The following ZNF710 variants were observed in gnomAD, a reference collection of about 807,000 sequenced individuals.
The protein encoded by ZNF710 is zinc finger protein 710.
A neutral mutation model predicts 50.6 loss-of-function variants in ZNF710; 13 were observed. The observed-to-expected ratio is 0.26, with a 90% CI of 0.17 to 0.41. ZNF710 has a LOEUF of 0.41. Among genes scored for constraint, ZNF710 ranks in the 10% least tolerant of loss-of-function variants. ZNF710 has a pLI of 1.00. For synonymous variants in ZNF710, 383 were observed against 397.0 expected (o/e 0.96, Z 0.42); for missense variants, 721 against 936.6 (o/e 0.77, Z 3.01).
At position 90,067,959 on chromosome 15, in the gene ZNF710, G is replaced by A; in HGVS notation, c.822G>A (p.Leu274=). Residue 274 remains leucine (L), a synonymous_variant, in exon 2 of 5, where the codon CTG becomes CTA. Transcript: ENST00000268154. The surrounding 1 kb of genome is among the most constrained non-coding windows in gnomAD (Gnocchi z 8.1). Reference sequence around the variant, plus strand: ...ACAAGAAGGCCCAGCTGGATCGGCTGGACATCAACGTGCAGATTGACGACT... The same window carrying A: ...ACAAGAAGGCCCAGCTGGATCGGCTAGACATCAACGTGCAGATTGACGACT... ...ERHKKAQLDR[L]DINVQIDDSY... The A allele has an allele frequency of 6.2e-7, 1 of 1,614,114 alleles. No individual in the cohort carries two copies. Among genetic ancestry groups the A allele is most frequent in the Non-Finnish European group, 8.5e-7 (1 of 1,180,040 alleles).
At chr15:90,076,589 A>C (rs1900595401) in intron 4 of ZNF710, 1 of 150,492 alleles carries the variant, frequency 6.6e-6, no homozygotes, top group African/African-American at 2.4e-5. Context: ...AAAAATACAA[A>C]AATTAGCTGG....
chr15:90,039,652 A>G (rs568089447), intron 1 of ZNF710, among the ~76,000 whole-genome samples: 1 of 152,302 alleles, frequency 6.6e-6, no homozygotes, highest in East Asian at 1.9e-4. Flanking sequence ...GAGGTGTCCA[A>G]GCTGCTTGCC....
chr15:90,025,328 CAGCAG>C, intron 1 of ZNF710: 1 of 152,288 alleles, frequency 6.6e-6, no homozygotes, highest in Non-Finnish European at 1.5e-5. Context: ...ACTGTTCTAA[CAGCAG>C]AGCATGTCTG....
At chr15:90,023,261 G>A (rs1898675143) in intron 1 of ZNF710, among the ~76,000 whole-genome samples, 1 of 152,208 alleles carries the variant, frequency 6.6e-6, no homozygotes, top group Non-Finnish European at 1.5e-5. Context: ...TAAAGCAGGA[G>A]CTACAGAGGT....
chr15:90,017,146 T>A (rs970929507), intron 1 of ZNF710, among the ~76,000 whole-genome samples: 6 of 152,220 alleles, frequency 3.9e-5, no homozygotes, highest in Non-Finnish European at 7.3e-5. Flanking sequence ...TAAAGGCACT[T>A]GGTACTTGGA....
intron 1 of ZNF710, among the ~76,000 whole-genome samples, chr15:90,019,464 A>G (rs1024703238): frequency 4.6e-5 from 7 of 152,174 alleles, no homozygotes; most frequent in African/African-American, 1.4e-4. Context: ...CCAAGGACAC[A>G]TTCTAAAGGC....
intron 1 of ZNF710, among the ~76,000 whole-genome samples, chr15:90,050,088 A>G (rs983145436): frequency 6.6e-6 from 1 of 152,246 alleles, no homozygotes; most frequent in Admixed American, 6.5e-5. Context: ...GTACGCTATC[A>G]GCTGATACGT....
chr15:89,999,155 C>A (rs902998442), upstream of ZNF710, among the ~76,000 whole-genome samples: 2 of 152,218 alleles, frequency 1.3e-5, no homozygotes, highest in Non-Finnish European at 2.9e-5. Context: ...AATCTAGACA[C>A]GACCTCCTCC....
chr15:90,054,732 C>T lies in ZNF710; in HGVS notation c.-28-12378C>T, dbSNP rs185104663. ...GAGCTGAAGTTTTGTCTGCTTTTCC[C>T]GTTACACGAAGCTGGTGATCTCTGG... On this transcript the variant is annotated intron_variant, in intron 1 of 4. Coordinates refer to ENST00000268154, the MANE Select transcript of ZNF710 (RefSeq NM_198526.4). Among the ~76,000 whole-genome samples, 20 of 152,308 alleles carry T rather than the reference C, an allele frequency of 1.3e-4. No homozygotes were observed. In the East Asian group the frequency reaches 2.5e-3, roughly 19 times the overall value.
intron 1 of ZNF710, among the ~76,000 whole-genome samples, chr15:90,004,489 C>G (rs1049066728): frequency 1.3e-5 from 2 of 152,166 alleles, no homozygotes; most frequent in Non-Finnish European, 2.9e-5. Flanking sequence ...GGGCCTAGCC[C>G]GCGGCAGGAC....
chr15:90,016,996 G>A (rs145944396), intron 1 of ZNF710, among the ~76,000 whole-genome samples: 3 of 152,314 alleles, frequency 2.0e-5, no homozygotes, highest in South Asian at 4.1e-4. Context: ...GAACCTTAGC[G>A]TTATTTCAAG....
Position 90,067,028 on chromosome 15 carries a change from C to T in ZNF710, c.-28-82C>T. The T allele has an allele frequency of 6.9e-7, 1 of 1,449,620 alleles. No homozygotes were observed. Among genetic ancestry groups the T allele is most frequent in the Non-Finnish European group, 9.1e-7 (1 of 1,095,062 alleles). The allele number at this position is 1,449,620 out of a possible 1,614,324, so 89.8% of individuals were successfully genotyped here. On this transcript the variant is annotated intron_variant, in intron 1 of 4. Transcript: ENST00000268154. The surrounding 1 kb of genome is among the most constrained non-coding windows in gnomAD (Gnocchi z 8.1). ...AGAGCCAGACACACCCAAAATCAGC[C>T]AAGCCCTTGTCTGTGCTGTGTCTGT... is the stretch of plus-strand genomic sequence containing the variant.
intron 1 of ZNF710, among the ~76,000 whole-genome samples, chr15:90,030,285 C>T (rs557161159): frequency 2.9e-4 from 36 of 125,146 alleles, no homozygotes; most frequent in African/African-American, 9.6e-4. Context: ...GCCAATATCA[C>T]GCCATTGCAT....
At chr15:90,029,131 C>T (rs139174919) in intron 1 of ZNF710, among the ~76,000 whole-genome samples, 37 of 152,262 alleles carry the variant, frequency 2.4e-4, no homozygotes, top group East Asian at 2.1e-3. Context: ...TTTTTCCCAA[C>T]GCCTACTCCC....
At chr15:90,052,862 G>A (rs1899689196) in intron 1 of ZNF710, among the ~76,000 whole-genome samples, 1 of 152,220 alleles carries the variant, frequency 6.6e-6, no homozygotes, top group African/African-American at 2.4e-5. Context: ...GAACCGGGGA[G>A]GCGGAGGTTG....
intron 1 of ZNF710, among the ~76,000 whole-genome samples, chr15:90,029,888 T>G (rs959514488): frequency 1.3e-5 from 2 of 151,780 alleles, no homozygotes; most frequent in Non-Finnish European, 2.9e-5. Flanking sequence ...GTGCTGGGAT[T>G]ACAGGCGTGA....
In ZNF710 at chr15:90,068,476, C is replaced by A; in HGVS notation, c.1339C>A (p.Arg447Ser). ...CGAGTGTGACAAGTCCTTCCACTAC[C>A]GCAGCCAGTTGCAGAACCACATGCT... ...CLECDKSFHY[R>S]SQLQNHMLKH... The change falls in exon 2 of 5, where the codon CGC becomes AGC. Residue 447 changes from arginine (R) to serine (S), a missense_variant. Coordinates refer to ENST00000268154, the MANE Select transcript of ZNF710 (RefSeq NM_198526.4). This position sits in a 1 kb window ranked among gnomAD's most constrained non-coding sequence, Gnocchi z 5.0. The A allele has an allele frequency of 1.9e-6, 3 of 1,614,110 alleles. No individual in the cohort carries two copies. The highest frequency in any genetic ancestry group is 2.5e-6 in the Non-Finnish European group (3 of 1,180,046).
chr15:90,013,904 A>G (rs1898380393), intron 1 of ZNF710, among the ~76,000 whole-genome samples: 1 of 152,296 alleles, frequency 6.6e-6, no homozygotes, highest in African/African-American at 2.4e-5. Flanking sequence ...CTGTGAGTGT[A>G]CACGTTCGGA....
At chr15:90,023,733 C>T (rs1188395653) in intron 1 of ZNF710, among the ~76,000 whole-genome samples, 3 of 152,098 alleles carry the variant, frequency 2.0e-5, no homozygotes, top group Admixed American at 6.5e-5. Context: ...CATGGTGGCT[C>T]ACACCTGTAA....
Sources: gnomAD v4.1 joint callset for allele counts (sites outside exome capture counted in the v4.1 genomes callset) on GRCh38, gnomAD v4.1.1 for gene constraint, Gnocchi (gnomAD v3.1) non-coding constraint, MANE v1.5 for transcripts, NCBI Gene and HGNC (gene_info 2026-07-23, HGNC 2026-07-21) for gene names.